Variants in SYNDIG1L observed in about 807,000 individuals in gnomAD.
The protein encoded by SYNDIG1L is synapse differentiation-inducing gene protein 1-like.
A neutral mutation model predicts 20.1 loss-of-function variants in SYNDIG1L; 13 were observed. The observed-to-expected ratio is 0.65, with a 90% confidence interval of 0.42 to 1.03. The LOEUF is 1.03. Among genes scored for constraint, SYNDIG1L ranks in the 50% least tolerant of loss-of-function variants. The pLI is 0.00. For synonymous variants in SYNDIG1L, 128 were observed against 129.3 expected (o/e 0.99, Z 0.07); for missense variants, 294 against 305.1 (o/e 0.96, Z 0.27).
intron 1 of SYNDIG1L, among the ~76,000 whole-genome samples, chr14:74,424,016 C>T (rs146834744): frequency 5.8e-4 from 89 of 152,256 alleles, no homozygotes; most frequent in African/African-American, 2.0e-3. Flanking sequence ...CTTAAGAAAA[C>T]ATCAGAAATA....
the SYNDIG1L span, among the ~76,000 whole-genome samples, chr14:74,463,700 T>C: frequency 6.6e-6 from 1 of 152,202 alleles, no homozygotes; most frequent in East Asian, 1.9e-4. Flanking sequence ...TTTTCAAGCC[T>C]AAGGGGGCCC....
At chr14:74,460,476 T>C in the SYNDIG1L span, among the ~76,000 whole-genome samples, 2 of 152,184 alleles carry the variant, frequency 1.3e-5, no homozygotes, top group African/African-American at 2.4e-5. Flanking sequence ...TAGATCCAAA[T>C]TTCCTGCAGG....
chr14:74,455,394 C>CT, the SYNDIG1L span, among the ~76,000 whole-genome samples: 62,680 of 123,718 alleles, frequency 0.51, 16,680 homozygotes, highest in African/African-American at 0.61. Flanking sequence ...CTTCCCCAAT[C>CT]TTTTTTTTTT....
At chr14:74,453,681 A>G in the SYNDIG1L span, among the ~76,000 whole-genome samples, 4 of 152,304 alleles carry the variant, frequency 2.6e-5, no homozygotes, top group Non-Finnish European at 5.9e-5. Flanking sequence ...GGCCAGGCAC[A>G]GTGGCTCACA....
chr14:74,451,984 TAA>T, the SYNDIG1L span, among the ~76,000 whole-genome samples: 327 of 65,288 alleles, frequency 5.0e-3, 1 homozygote, highest in African/African-American at 0.014. Flanking sequence ...AGACTTTGTC[TAA>T]AAAAAAAAAA....
intron 1 of SYNDIG1L, among the ~76,000 whole-genome samples, chr14:74,414,580 A>G (rs1354261255): frequency 1.3e-5 from 2 of 152,226 alleles, no homozygotes; most frequent in African/African-American, 4.8e-5. Context: ...ATTGGAGTCC[A>G]ATCATACAGT....
chr14:74,450,120 G>T, the SYNDIG1L span, among the ~76,000 whole-genome samples: 1 of 152,112 alleles, frequency 6.6e-6, no homozygotes, highest in Admixed American at 6.5e-5. Context: ...TAACTTAGGT[G>T]AAATGGATAA....
the SYNDIG1L span, among the ~76,000 whole-genome samples, chr14:74,439,413 G>A: frequency 0.058 from 8,898 of 152,234 alleles, 385 homozygotes; most frequent in Non-Finnish European, 0.088. Flanking sequence ...CTCAGTGCCT[G>A]CATTGCTTCT....
chr14:74,446,943 A>G, the SYNDIG1L span, among the ~76,000 whole-genome samples: 1 of 152,214 alleles, frequency 6.6e-6, no homozygotes, highest in South Asian at 2.1e-4. Flanking sequence ...ACATGCATTC[A>G]AAACCTAAGA....
the SYNDIG1L span, among the ~76,000 whole-genome samples, chr14:74,436,728 C>T: frequency 2.0e-5 from 3 of 151,508 alleles, no homozygotes; most frequent in Non-Finnish European, 2.9e-5. Context: ...GACGCGCCTG[C>T]AATCCCAGCT....
chr14:74,424,335 C>G (rs1370053034), intron 1 of SYNDIG1L, among the ~76,000 whole-genome samples: 5 of 152,082 alleles, frequency 3.3e-5, no homozygotes, highest in Admixed American at 3.3e-4. Flanking sequence ...CTTCTGACTC[C>G]CAGTTAAATG....
At chr14:74,440,633 C>G in the SYNDIG1L span, among the ~76,000 whole-genome samples, 5 of 151,578 alleles carry the variant, frequency 3.3e-5, no homozygotes, top group Non-Finnish European at 7.4e-5. Context: ...TGCAGTAAGC[C>G]GAGATCACGC....
chr14:74,454,322 A>G, the SYNDIG1L span, among the ~76,000 whole-genome samples: 1 of 152,236 alleles, frequency 6.6e-6, no homozygotes, highest in Non-Finnish European at 1.5e-5. Context: ...CAGCTATGAA[A>G]TCAAGGTTTT....
chr14:74,475,537 C>A, the SYNDIG1L span, among the ~76,000 whole-genome samples: 1 of 151,974 alleles, frequency 6.6e-6, no homozygotes, highest in East Asian at 1.9e-4. Context: ...GCTCAACTGT[C>A]CTGTGGAGCA....
At chr14:74,453,066 G>A in the SYNDIG1L span, among the ~76,000 whole-genome samples, 1 of 152,056 alleles carries the variant, frequency 6.6e-6, no homozygotes, top group Non-Finnish European at 1.5e-5. Context: ...TCAGTTGTTG[G>A]CCAGGTGCAG....
At chr14:74,464,793 G>A in the SYNDIG1L span, among the ~76,000 whole-genome samples, 1 of 152,248 alleles carries the variant, frequency 6.6e-6, no homozygotes, top group South Asian at 2.1e-4. Flanking sequence ...AAAATGGAAT[G>A]AGATCATGGG....
chr14:74,473,147 C>A, the SYNDIG1L span, among the ~76,000 whole-genome samples: 4 of 151,996 alleles, frequency 2.6e-5, no homozygotes, highest in African/African-American at 4.8e-5. Context: ...TTTGGGAGCC[C>A]GAGGCGGGTG....
chr14:74,409,773 G>C lies in SYNDIG1L; in HGVS notation c.-29C>G, dbSNP rs776393829. On this transcript the variant is annotated 5_prime_UTR_variant, in exon 2 of 4. Transcript: ENST00000331628. The stretch of plus-strand genomic sequence containing the variant: ...TCTGGGGCAGCTGCTGGGGAGGGGG[G>C]CCTGGGCCAGCTGAGCAGTCCTCAG... The C allele has an allele frequency of 4.2e-6, 6 of 1,412,720 alleles. No homozygotes were observed. Among genetic ancestry groups the C allele is most frequent in the Non-Finnish European group, 5.6e-6 (6 of 1,079,362 alleles). 87.5% of individuals were successfully genotyped at this position (1,412,720 alleles called of 1,614,324 possible). A position where few individuals can be genotyped will look rare whatever the true frequency, so the allele number is the denominator to read the frequency against.
chr14:74,456,746 T>C, the SYNDIG1L span, among the ~76,000 whole-genome samples: 1 of 152,090 alleles, frequency 6.6e-6, no homozygotes, highest in East Asian at 1.9e-4. Flanking sequence ...CCTGGTGTGT[T>C]GTCCATCAGT....
Sources: gnomAD v4.1 joint callset for allele counts (sites outside exome capture counted in the v4.1 genomes callset) on GRCh38, gnomAD v4.1.1 for gene constraint, MANE v1.5 for transcripts, NCBI Gene and HGNC (gene_info 2026-07-23, HGNC 2026-07-21) for gene names.